Variants in PCDH15 observed in about 807,000 individuals in gnomAD.
The protein encoded by PCDH15 is protocadherin-15.
In PCDH15, 129 loss-of-function variants were observed where a neutral mutation model predicts 178.5. That is an observed-to-expected ratio of 0.72 (90% CI 0.63 to 0.84). The LOEUF is 0.84. Among genes scored for constraint, PCDH15 ranks in the 40% least tolerant of loss-of-function variants. The pLI is 0.00. For synonymous variants in PCDH15, 800 were observed against 732.0 expected, an observed-to-expected ratio of 1.09 and a Z score of -1.50; for missense variants, 2,230 against 2,099.9, an observed-to-expected ratio of 1.06 and a Z score of -1.21.
intron 20 of PCDH15, among the ~76,000 whole-genome samples, chr10:54,004,694 T>C (rs568363903): frequency 6.6e-6 from 1 of 152,116 alleles, no homozygotes; most frequent in South Asian, 2.1e-4. Context: ...TGGTCATGGA[T>C]TGCAATAATC....
rs73257716 is a variant in PCDH15 at position 55,403,984 on chromosome 10, G to T, written c.-156+223641C>A. Among the ~76,000 whole-genome samples the T allele has an allele frequency of 5.3e-3, 813 of 152,004 alleles. 9 individuals carry two copies. The highest frequency in any genetic ancestry group is 0.018 in the African/African-American group (764 of 41,520). ...GTGTCTGAAAACAGAAGTTTAAATG[G>T]ATACAGTCTAACTATGGAAAGTTAA... is the stretch of plus-strand genomic sequence containing the variant. On this transcript the variant is annotated intron_variant, in intron 2 of 5. Transcript: ENST00000613346.
intron 20 of PCDH15, among the ~76,000 whole-genome samples, chr10:53,996,505 T>G (rs2091857698): frequency 6.6e-6 from 1 of 152,190 alleles, no homozygotes; most frequent in Admixed American, 6.5e-5. Flanking sequence ...TGCGAGGCAC[T>G]GAAGATACTG....
intron 3 of PCDH15, among the ~76,000 whole-genome samples, chr10:54,848,382 C>CAAAAAAA: frequency 1.2e-5 from 1 of 85,182 alleles, no homozygotes; most frequent in Non-Finnish European, 2.4e-5. Context: ...AACTCCATCT[C>CAAAAAAA]AAAAAAAAAA....
At chr10:55,312,640 G>A (rs149748981) in intron 1 of PCDH15, among the ~76,000 whole-genome samples, 3 of 149,030 alleles carry the variant, frequency 2.0e-5, no homozygotes, top group African/African-American at 4.9e-5. Flanking sequence ...TTTTTTAGAC[G>A]TAGTTTCACT....
chr10:53,949,384 C>A (rs2086827192), intron 23 of PCDH15, among the ~76,000 whole-genome samples: 2 of 152,182 alleles, frequency 1.3e-5, no homozygotes, highest in Admixed American at 1.3e-4. Flanking sequence ...TCTGCATATG[C>A]ATTTGTTTTA....
intron 2 of PCDH15, among the ~76,000 whole-genome samples, chr10:55,622,572 T>C (rs1189915470): frequency 6.6e-6 from 1 of 152,234 alleles, no homozygotes; most frequent in East Asian, 1.9e-4. Flanking sequence ...AGTGTAAGAG[T>C]ATTTTTCATA....
intron 2 of PCDH15, among the ~76,000 whole-genome samples, chr10:55,160,857 A>G (rs1839047773): frequency 6.6e-6 from 1 of 152,136 alleles, no homozygotes; most frequent in Admixed American, 6.6e-5. Flanking sequence ...GCTTATCTAC[A>G]GCAATATCTC....
chr10:54,354,427 T>C (rs1944651361), intron 5 of PCDH15, among the ~76,000 whole-genome samples: 1 of 152,222 alleles, frequency 6.6e-6, no homozygotes, highest in African/African-American at 2.4e-5. Context: ...CCTTATCTCT[T>C]TCTCTTTTTT....
intron 15 of PCDH15, among the ~76,000 whole-genome samples, chr10:54,122,837 G>A (rs1031362034): frequency 6.6e-6 from 1 of 150,922 alleles, no homozygotes; most frequent in Admixed American, 6.6e-5. Context: ...AACCAAGGAG[G>A]TAAAAGATCT....
At chr10:55,289,388 A>G (rs1842953464) in intron 1 of PCDH15, among the ~76,000 whole-genome samples, 1 of 151,766 alleles carries the variant, frequency 6.6e-6, no homozygotes, top group Non-Finnish European at 1.5e-5. Context: ...AGAAAGAAGG[A>G]GACAGAAAAA....
intron 2 of PCDH15, among the ~76,000 whole-genome samples, chr10:55,619,764 T>A (rs527705136): frequency 6.6e-6 from 1 of 152,168 alleles, no homozygotes; most frequent in African/African-American, 2.4e-5. Flanking sequence ...TAGAAAAATA[T>A]AGCTTTCCAG....
intron 2 of PCDH15, among the ~76,000 whole-genome samples, chr10:55,049,425 A>C (rs991114126): frequency 1.3e-5 from 2 of 151,524 alleles, no homozygotes; most frequent in African/African-American, 4.8e-5. Context: ...TCTCTTTTTC[A>C]GAAAAAAAAG....
At chr10:55,262,239 A>G (rs1301511038) in intron 1 of PCDH15, among the ~76,000 whole-genome samples, 2 of 144,544 alleles carry the variant, frequency 1.4e-5, no homozygotes, top group Non-Finnish European at 3.0e-5. Context: ...AAGAAAGGAA[A>G]GGAAGGAAGG....
At chr10:55,363,630 T>C (rs1845283246) in intron 2 of PCDH15, among the ~76,000 whole-genome samples, 1 of 152,110 alleles carries the variant, frequency 6.6e-6, no homozygotes, top group Non-Finnish European at 1.5e-5. Context: ...TTTTCTTTTT[T>C]CTTTTTTTGG....
intron 2 of PCDH15, among the ~76,000 whole-genome samples, chr10:55,339,941 A>C (rs1355288748): frequency 6.6e-6 from 1 of 151,776 alleles, no homozygotes. Flanking sequence ...CAAAGAAAAA[A>C]AAAACCCACA....
chr10:54,639,719 G>T (rs958656371), intron 2 of PCDH15, among the ~76,000 whole-genome samples: 3 of 152,118 alleles, frequency 2.0e-5, no homozygotes, highest in Admixed American at 6.5e-5. Flanking sequence ...TGTAAAATCC[G>T]CAAAATGTAT....
At chr10:54,363,220 A>G (rs1946319015) in intron 5 of PCDH15, among the ~76,000 whole-genome samples, 1 of 152,184 alleles carries the variant, frequency 6.6e-6, no homozygotes, top group African/African-American at 2.4e-5. Flanking sequence ...AACAAAAAGC[A>G]AATACATATG....
At chr10:55,498,049 T>C (rs1213075551) in intron 2 of PCDH15, among the ~76,000 whole-genome samples, 1 of 151,882 alleles carries the variant, frequency 6.6e-6, no homozygotes, top group Non-Finnish European at 1.5e-5. Context: ...TTTTGAAGAA[T>C]AAAATGGATT....
At chr10:54,926,923 T>A (rs35752585) in intron 2 of PCDH15, among the ~76,000 whole-genome samples, 5,666 of 152,128 alleles carry the variant, frequency 0.037, 341 homozygotes, top group African/African-American at 0.12. Context: ...TGAGATTTTT[T>A]AAAATTTTTT....
Sources: gnomAD v4.1 joint callset for allele counts (sites outside exome capture counted in the v4.1 genomes callset) on GRCh38, gnomAD v4.1.1 for gene constraint, MANE v1.5 for transcripts, NCBI Gene and HGNC (gene_info 2026-07-23, HGNC 2026-07-21) for gene names.